Variants in IGF2BP1 observed in about 807,000 individuals in gnomAD.
IGF2BP1 encodes insulin like growth factor 2 mRNA binding protein 1, also known as insulin-like growth factor 2 mRNA-binding protein 1.
In IGF2BP1, 11 loss-of-function variants were observed where a neutral mutation model predicts 74.9. The observed-to-expected ratio is 0.15, with a 90% CI of 0.09 to 0.24. The LOEUF (loss-of-function observed/expected upper bound fraction) is 0.24, where lower values mean the gene tolerates loss of function less well. Among genes scored for constraint, IGF2BP1 ranks in the 10% least tolerant of loss-of-function variants. The probability of loss-of-function intolerance (pLI) is 1.00; values close to 1 mark genes in which losing one functional copy is unlikely to be tolerated. For missense variants in IGF2BP1, 440 were observed against 757.4 expected (o/e 0.58, Z 4.92); for synonymous variants, 287 against 281.8 (o/e 1.02, Z -0.18).
chr17:48,998,932 TCCA>T (rs1470830921), intron 1 of IGF2BP1, among the ~76,000 whole-genome samples, 174 bp from the exon 2 acceptor site: 1 of 151,992 alleles, frequency 6.6e-6, no homozygotes, highest in Non-Finnish European at 1.5e-5. Flanking sequence ...ATTTACAGAC[TCCA>T]CCATTCCTAG....
In IGF2BP1 at chr17:49,030,087, C is replaced by CT. The variant is rs527536328; in HGVS notation, c.338-1815dup. ...CTTTCCCCTGGAAAACATGCAAATT[C>CT]TTTTTTTTCTTTCTAGACTTCTACA... On this transcript the variant is annotated intron_variant, in intron 4 of 14. Coordinates refer to ENST00000290341, the MANE Select transcript of IGF2BP1 (RefSeq NM_006546.4). Among the ~76,000 whole-genome samples the CT allele has an allele frequency of 6.0e-5, 9 of 149,950 alleles. 1 individual carries two copies. In the South Asian group the frequency reaches 6.3e-4, roughly 11 times the overall value.
intron 4 of IGF2BP1, among the ~76,000 whole-genome samples, chr17:49,029,527 G>A (rs1429725530): frequency 3.9e-5 from 6 of 152,222 alleles, no homozygotes; most frequent in Non-Finnish European, 8.8e-5. Context: ...GGGGGGCAGA[G>A]GCTTAATTTA....
intron 2 of IGF2BP1, among the ~76,000 whole-genome samples, chr17:49,001,557 C>T (rs1185727591): frequency 6.6e-6 from 1 of 152,096 alleles, no homozygotes; most frequent in Non-Finnish European, 1.5e-5. Context: ...TTATTTGATA[C>T]ATATAATTTG....
intron 2 of IGF2BP1, chr17:49,017,908 A>T (rs892696253): frequency 2.6e-5 from 4 of 151,934 alleles, no homozygotes; most frequent in African/African-American, 7.3e-5. Context: ...GATTACAGGC[A>T]TGCACCACCA....
chr17:49,003,491 T>C (rs1296810463), intron 2 of IGF2BP1, among the ~76,000 whole-genome samples: 1 of 152,078 alleles, frequency 6.6e-6, no homozygotes, highest in Non-Finnish European at 1.5e-5. Flanking sequence ...GTTAGATCTG[T>C]TGATTTTTGT....
chr17:49,042,664 C>T (rs375684359), intron 9 of IGF2BP1, among the ~76,000 whole-genome samples: 31 of 151,948 alleles, frequency 2.0e-4, no homozygotes, highest in Non-Finnish European at 3.5e-4. Context: ...GGGGGTCCAT[C>T]GTTTTCATCT....
chr17:49,045,835 T>C, intron 12 of IGF2BP1, 55 bp from the exon 13 acceptor site: 1 of 1,571,818 alleles, frequency 6.4e-7, no homozygotes, highest in Non-Finnish European at 8.6e-7. Flanking sequence ...TTCCCACTTT[T>C]CTCTTTTGTC....
chr17:49,001,186 A>G (rs1307264450), intron 2 of IGF2BP1, among the ~76,000 whole-genome samples: 1 of 152,182 alleles, frequency 6.6e-6, no homozygotes, highest in Non-Finnish European at 1.5e-5. Context: ...TTGAGGAAGT[A>G]TGTTGTGGTA....
At chr17:49,029,143 C>CA (rs1167417921) in intron 4 of IGF2BP1, among the ~76,000 whole-genome samples, 1 of 146,444 alleles carries the variant, frequency 6.8e-6, no homozygotes, top group Non-Finnish European at 1.5e-5. Context: ...TCATCACTGT[C>CA]AAATATTCTG....
At chr17:49,003,857 C>CT (rs1476031231) in intron 2 of IGF2BP1, among the ~76,000 whole-genome samples, 1 of 151,988 alleles carries the variant, frequency 6.6e-6, no homozygotes. Flanking sequence ...AGGGGAGCGG[C>CT]TGGAGTCTCA....
At chr17:49,040,613 C>A (rs567004289) in intron 7 of IGF2BP1, among the ~76,000 whole-genome samples, 1 of 152,352 alleles carries the variant, frequency 6.6e-6, no homozygotes, top group South Asian at 2.1e-4. Context: ...ATATGTGTGC[C>A]TGTGTGTATT....
At chr17:49,025,487 ATT>A (rs751706750) in intron 2 of IGF2BP1, 129 bp from the exon 3 acceptor site, 8 of 811,004 alleles carry the variant, frequency 9.9e-6, no homozygotes, top group African/African-American at 1.7e-5. Context: ...GTATTCTTAG[ATT>A]TTAAGACTAT....
At chr17:49,013,653 G>A (rs1177960354) in intron 2 of IGF2BP1, 1 of 152,332 alleles carries the variant, frequency 6.6e-6, no homozygotes, top group Admixed American at 6.5e-5. Flanking sequence ...GGTCGGGTCT[G>A]GATTTACTAA....
chr17:49,045,578 G>A (rs2042100332), intron 12 of IGF2BP1, among the ~76,000 whole-genome samples: 1 of 152,228 alleles, frequency 6.6e-6, no homozygotes, highest in African/African-American at 2.4e-5. Context: ...GCCACGTCCA[G>A]ATTCCATAGG....
chr17:49,026,623 T>G (rs529325582), intron 4 of IGF2BP1, 106 bp downstream of exon 4: 24 of 483,490 alleles, frequency 5.0e-5, no homozygotes, highest in Admixed American at 3.3e-4. Flanking sequence ...CTTCCTTCCT[T>G]CCTTCCTTCC....
At chr17:49,014,556 G>T (rs143853874) in intron 2 of IGF2BP1, among the ~76,000 whole-genome samples, 6 of 151,988 alleles carry the variant, frequency 3.9e-5, no homozygotes, top group Admixed American at 2.0e-4. Context: ...GGGCACTTGA[G>T]GGGGGGAGGA....
Position 49,042,305 on chromosome 17 carries a change from T to C in IGF2BP1, c.1005T>C (p.Asn335=), listed in dbSNP as rs1405492545. ...RTITVKGAIE[N]CCRAEQEIMK... ...TCACTGTGAAGGGGGCCATCGAGAA[T>C]TGTTGCAGGGCCGAGCAGGAAATAA... is the stretch of plus-strand genomic sequence containing the variant. Residue 335 remains asparagine (N), a synonymous_variant, in exon 9 of 15, where the codon AAT becomes AAC. Transcript: ENST00000290341. 6.2e-7 allele frequency: 1 copy of C among 1,613,896 alleles called. No individual in the cohort carries two copies. Among genetic ancestry groups the C allele is most frequent in the Non-Finnish European group, 8.5e-7 (1 of 1,179,994 alleles).
intron 2 of IGF2BP1, 137 bp downstream of exon 2, chr17:48,999,306 GC>G: frequency 3.2e-6 from 2 of 631,996 alleles, no homozygotes; most frequent in Non-Finnish European, 5.7e-6. Flanking sequence ...GATGTTGGGG[GC>G]AGGGAGGGAA....
At chr17:48,999,850 A>T (rs911595949) in intron 2 of IGF2BP1, among the ~76,000 whole-genome samples, 6 of 150,774 alleles carry the variant, frequency 4.0e-5, no homozygotes, top group Admixed American at 4.0e-4. Context: ...CCAGGGGACC[A>T]TCTGGGGTGA....
Sources: gnomAD v4.1 joint callset for allele counts (sites outside exome capture counted in the v4.1 genomes callset) on GRCh38, gnomAD v4.1.1 for gene constraint, MANE v1.5 for transcripts, NCBI Gene and HGNC (gene_info 2026-07-23, HGNC 2026-07-21) for gene names.